Variants in EPHA6 observed in about 807,000 individuals in gnomAD.
EPHA6 encodes the protein EPH receptor A6.
In EPHA6, 50 loss-of-function variants were observed where a neutral mutation model predicts 112.0. That is an observed-to-expected ratio of 0.45 (90% CI 0.36 to 0.56). EPHA6 has a LOEUF of 0.56. Ranked by LOEUF, EPHA6 falls within the 20% of genes least tolerant of loss-of-function variation. The pLI, the probability that EPHA6 is intolerant of heterozygous loss-of-function variation, is 0.00. For synonymous variants in EPHA6, 529 were observed against 490.7 expected (o/e 1.08, Z -1.03); for missense variants, 1,280 against 1,417.4 (o/e 0.90, Z 1.56).
intron 14 of EPHA6, among the ~76,000 whole-genome samples, chr3:97,658,336 A>T (rs1229635987): frequency 6.6e-6 from 1 of 151,800 alleles, no homozygotes; most frequent in Admixed American, 6.6e-5. Context: ...TCTCCAATAT[A>T]GACCAATGTA....
intron 2 of EPHA6, among the ~76,000 whole-genome samples, chr3:96,936,840 A>G (rs1162570930): frequency 6.6e-6 from 1 of 152,036 alleles, no homozygotes; most frequent in Non-Finnish European, 1.5e-5. Context: ...ATTCCCACCT[A>G]TGAGTGAGAA....
At chr3:97,421,014 G>A (rs1404246476) in intron 6 of EPHA6, among the ~76,000 whole-genome samples, 2 of 151,776 alleles carry the variant, frequency 1.3e-5, no homozygotes, top group Non-Finnish European at 2.9e-5. Context: ...ATCTATTCTT[G>A]GGTATTATTC....
At chr3:97,683,412 C>T (rs2107687157) in intron 14 of EPHA6, among the ~76,000 whole-genome samples, 1 of 152,112 alleles carries the variant, frequency 6.6e-6, no homozygotes, top group South Asian at 2.1e-4. Context: ...AGAAAATAAA[C>T]AGCATAATAA....
chr3:97,070,912 A>G (rs2046329768), intron 3 of EPHA6, among the ~76,000 whole-genome samples: 1 of 152,126 alleles, frequency 6.6e-6, no homozygotes, highest in Admixed American at 6.6e-5. Flanking sequence ...GATAAACGGT[A>G]TTATTTAACT....
intron 5 of EPHA6, among the ~76,000 whole-genome samples, chr3:97,279,273 T>C (rs2080205734): frequency 6.6e-6 from 1 of 152,122 alleles, no homozygotes; most frequent in Admixed American, 6.5e-5. Flanking sequence ...AATTAATAGA[T>C]TTATTAATAG....
At chr3:96,935,654 A>T (rs1185209924) in intron 2 of EPHA6, among the ~76,000 whole-genome samples, 1 of 148,488 alleles carries the variant, frequency 6.7e-6, no homozygotes, top group Non-Finnish European at 1.5e-5. Context: ...ATATATATTT[A>T]TAACAGTTCA....
At chr3:97,029,338 CCT>C (rs1429053498) in intron 3 of EPHA6, among the ~76,000 whole-genome samples, 1 of 150,710 alleles carries the variant, frequency 6.6e-6, no homozygotes, top group Non-Finnish European at 1.5e-5. Flanking sequence ...GTTTAAATCC[CCT>C]GTGATGTTTT....
rs182708978 is a variant in EPHA6 at position 97,274,410 on chromosome 3, G to A, written c.1606+30123G>A. ...CAGTGAATGACTCCAGCTTCCTTTGGAAGTAAAGCGGCCTTGAGCAGAGTT... is the reference window on the plus strand; with the variant it reads ...CAGTGAATGACTCCAGCTTCCTTTGAAAGTAAAGCGGCCTTGAGCAGAGTT... On this transcript the variant is annotated intron_variant, in intron 5 of 17. Coordinates refer to ENST00000389672, the MANE Select transcript of EPHA6 (RefSeq NM_001080448.3). Among the ~76,000 whole-genome samples, 301 of 152,282 alleles carry A rather than the reference G, an allele frequency of 2.0e-3. 5 individuals carry two copies. The highest frequency in any genetic ancestry group is 1.7e-3 in the Non-Finnish European group (117 of 68,026).
At chr3:97,624,421 T>G (rs1243759142) in intron 13 of EPHA6, among the ~76,000 whole-genome samples, 4 of 151,636 alleles carry the variant, frequency 2.6e-5, no homozygotes, top group African/African-American at 9.7e-5. Context: ...TGATGTATAA[T>G]ACTTTTAACA....
intron 5 of EPHA6, among the ~76,000 whole-genome samples, chr3:97,401,869 T>C (rs1483736611): frequency 1.3e-5 from 2 of 151,962 alleles, no homozygotes; most frequent in African/African-American, 4.8e-5. Context: ...TTTGTTTCTA[T>C]TTTCATTTGC....
chr3:97,349,927 G>C (rs1299830323), intron 5 of EPHA6, among the ~76,000 whole-genome samples: 4 of 151,708 alleles, frequency 2.6e-5, no homozygotes, highest in Non-Finnish European at 5.9e-5. Flanking sequence ...TCTTAGTTGA[G>C]AAACAATAGT....
At chr3:97,364,444 T>C (rs892491268) in intron 5 of EPHA6, among the ~76,000 whole-genome samples, 2 of 151,700 alleles carry the variant, frequency 1.3e-5, no homozygotes, top group African/African-American at 4.8e-5. Context: ...ATTTGAGGTA[T>C]AGATAAAAAT....
At chr3:97,058,779 T>C (rs548519899) in intron 3 of EPHA6, among the ~76,000 whole-genome samples, 14 of 152,352 alleles carry the variant, frequency 9.2e-5, no homozygotes, top group African/African-American at 3.4e-4. Context: ...ATTCCACTGA[T>C]TTAAAGGGTG....
chr3:97,403,162 T>G (rs953175765), intron 5 of EPHA6, among the ~76,000 whole-genome samples: 4 of 152,118 alleles, frequency 2.6e-5, no homozygotes, highest in Non-Finnish European at 5.9e-5. Context: ...CTTCATAACT[T>G]TATATATATA....
chr3:97,020,702 G>A (rs1315882678), intron 3 of EPHA6, among the ~76,000 whole-genome samples: 4 of 152,098 alleles, frequency 2.6e-5, no homozygotes, highest in African/African-American at 9.7e-5. Context: ...ACTTCTCCTA[G>A]CCATTTGGAT....
chr3:97,214,063 G>A (rs1000523500), intron 3 of EPHA6, among the ~76,000 whole-genome samples: 3 of 151,300 alleles, frequency 2.0e-5, no homozygotes, highest in Admixed American at 6.6e-5. Context: ...GAGGGAGAGG[G>A]AGTCTCATTC....
intron 14 of EPHA6, among the ~76,000 whole-genome samples, chr3:97,650,746 CT>C (rs2094102362): frequency 6.7e-6 from 1 of 149,296 alleles, no homozygotes; most frequent in Non-Finnish European, 1.5e-5. Flanking sequence ...CTCTACTCTT[CT>C]TTAAGAGGCT....
intron 2 of EPHA6, among the ~76,000 whole-genome samples, chr3:96,883,517 A>G (rs993016235): frequency 6.6e-6 from 1 of 152,122 alleles, no homozygotes. Flanking sequence ...GGTTTTTCCA[A>G]TGTTATCTTC....
intron 3 of EPHA6, among the ~76,000 whole-genome samples, chr3:97,028,057 T>C (rs2044703570): frequency 1.3e-5 from 2 of 152,168 alleles, no homozygotes; most frequent in Non-Finnish European, 2.9e-5. Flanking sequence ...AGAATTTTGA[T>C]GTTTTATTTT....
Sources: gnomAD v4.1 joint callset for allele counts (sites outside exome capture counted in the v4.1 genomes callset) on GRCh38, gnomAD v4.1.1 for gene constraint, MANE v1.5 for transcripts, NCBI Gene and HGNC (gene_info 2026-07-23, HGNC 2026-07-21) for gene names.